TNFRSF21: variants seen among roughly 807,000 people sequenced by gnomAD.
TNFRSF21 encodes the protein TNF receptor superfamily member 21.
TNFRSF21 carries 19 observed loss-of-function variants against 45.6 expected under a neutral mutation model. The ratio of observed to expected loss-of-function variants is 0.42; its 90% CI spans 0.29 to 0.61. TNFRSF21 has a LOEUF of 0.61. TNFRSF21 is among the 20% of genes least tolerant of loss of function. The pLI, the probability that TNFRSF21 is intolerant of heterozygous loss-of-function variation, is 0.23. For synonymous variants in TNFRSF21, 314 were observed against 335.5 expected (o/e 0.94, Z 0.70); for missense variants, 737 against 851.5 (o/e 0.87, Z 1.67).
chr6:47,296,863 G>A (rs942079867), intron 1 of TNFRSF21, among the ~76,000 whole-genome samples: 5 of 152,200 alleles, frequency 3.3e-5, no homozygotes, highest in East Asian at 3.9e-4. Context: ...GGTGGTACAC[G>A]CCTGTAGTCC....
At chr6:47,248,396 C>A (rs901556533) in intron 4 of TNFRSF21, among the ~76,000 whole-genome samples, 1 of 152,136 alleles carries the variant, frequency 6.6e-6, no homozygotes, top group African/African-American at 2.4e-5. Context: ...AAGAAACAGA[C>A]TCCTTTCCTC....
chr6:47,301,492 A>C (rs1762864113), intron 1 of TNFRSF21, among the ~76,000 whole-genome samples: 1 of 152,242 alleles, frequency 6.6e-6, no homozygotes, highest in South Asian at 2.1e-4. Context: ...GTTAGGATGT[A>C]TGTCCTCTCC....
At chr6:47,283,061 G>T (rs970673614) in intron 3 of TNFRSF21, among the ~76,000 whole-genome samples, 3 of 152,148 alleles carry the variant, frequency 2.0e-5, no homozygotes, top group Non-Finnish European at 4.4e-5. Context: ...CTGCTTTTTA[G>T]AAAAATAGAT....
intron 1 of TNFRSF21, among the ~76,000 whole-genome samples, chr6:47,299,924 A>G (rs1167761549): frequency 6.6e-6 from 1 of 152,226 alleles, no homozygotes; most frequent in African/African-American, 2.4e-5. Flanking sequence ...AAAGCCATAA[A>G]ACTGTTCATT....
intron 3 of TNFRSF21, among the ~76,000 whole-genome samples, chr6:47,281,254 T>C (rs1386643530): frequency 6.6e-6 from 1 of 151,674 alleles, no homozygotes; most frequent in African/African-American, 2.4e-5. Flanking sequence ...ATAAAATAAT[T>C]AAGAAAAATT....
rs368424544 is a variant in TNFRSF21, at chr6:47,269,151, G to A, written c.1243+14787C>T. On this transcript the variant is annotated intron_variant, in intron 3 of 5. Coordinates refer to ENST00000296861, the MANE Select transcript of TNFRSF21 (RefSeq NM_014452.5). Reference sequence around the variant, plus strand: ...CTCAGCTTCATCTTCTGTATAATGAGAGGACTGGACTAAGTGAATCTCCTC... The same window carrying A: ...CTCAGCTTCATCTTCTGTATAATGAAAGGACTGGACTAAGTGAATCTCCTC... Among the ~76,000 whole-genome samples, 20 of 152,032 alleles carry A rather than the reference G, an allele frequency of 1.3e-4. 1 individual carries two copies. In the South Asian group the frequency reaches 2.7e-3, roughly 21 times the overall value.
chr6:47,254,605 T>C (rs1346816468), intron 3 of TNFRSF21, among the ~76,000 whole-genome samples: 1 of 152,196 alleles, frequency 6.6e-6, no homozygotes. Flanking sequence ...GTTTTCAAAT[T>C]CTGGGAATGG....
intron 1 of TNFRSF21, among the ~76,000 whole-genome samples, chr6:47,300,691 T>G (rs1282467998): frequency 6.6e-6 from 1 of 152,214 alleles, no homozygotes; most frequent in South Asian, 2.1e-4. Context: ...TCTCTGAACA[T>G]GTAGGCTGTT....
chr6:47,305,291 G>A (rs550409535), intron 1 of TNFRSF21, among the ~76,000 whole-genome samples: 2 of 152,210 alleles, frequency 1.3e-5, no homozygotes, highest in East Asian at 3.9e-4. Context: ...CTTAGAAAGG[G>A]TGCTCGATGC....
chr6:47,284,285 T>C lies in TNFRSF21; in HGVS notation c.896A>G (p.Asn299Ser), dbSNP rs1202861456. ...NKTLPNLQVVNHQQGPHHRHI... is the reference protein window; with the variant it reads ...NKTLPNLQVVSHQQGPHHRHI... ...TCTGTGGTGGGGGCCTTGCTGGTGG[T>C]TGACTACCTGAAGGTTTGGGAGGGT... Residue 299 changes from asparagine to serine, a missense_variant, in exon 3 of 6, where the codon AAC (asparagine) becomes AGC (serine). Transcript: ENST00000296861. The C allele has an allele frequency of 1.2e-6, 2 of 1,611,126 alleles. No homozygotes were observed. The highest frequency in any genetic ancestry group is 1.3e-5 in the African/African-American group (1 of 74,878).
At chr6:47,234,606 A>G in intron 5 of TNFRSF21, 64 bp downstream of exon 5, 2 of 1,339,120 alleles carry the variant, frequency 1.5e-6, no homozygotes, top group Admixed American at 3.9e-5. Context: ...ACGGGGAGGG[A>G]CGAATCCCAG....
chr6:47,309,112 G>C (rs569735437), intron 1 of TNFRSF21, among the ~76,000 whole-genome samples: 2 of 152,256 alleles, frequency 1.3e-5, no homozygotes, highest in East Asian at 3.9e-4. Flanking sequence ...CGAGTAGGGG[G>C]AAAAGCCCTC....
At chr6:47,271,715 C>G (rs7742180) in intron 3 of TNFRSF21, among the ~76,000 whole-genome samples, 1,688 of 152,000 alleles carry the variant, frequency 0.011, 28 homozygotes, top group African/African-American at 0.038. Flanking sequence ...AAGACACAGA[C>G]TGGCAAATTG....
chr6:47,233,574 C>T (rs1332237978), intron 5 of TNFRSF21, among the ~76,000 whole-genome samples: 1 of 151,742 alleles, frequency 6.6e-6, no homozygotes, highest in Non-Finnish European at 1.5e-5. Flanking sequence ...CTTCTCAGGT[C>T]ATACCTTACA....
intron 3 of TNFRSF21, among the ~76,000 whole-genome samples, chr6:47,275,804 C>T (rs1177154583): frequency 6.6e-6 from 1 of 152,152 alleles, no homozygotes; most frequent in Non-Finnish European, 1.5e-5. Context: ...TGGGGGAAAG[C>T]TCTTTCATGT....
At chr6:47,294,895 TAAG>T (rs1380683678) in intron 1 of TNFRSF21, among the ~76,000 whole-genome samples, 1 of 152,216 alleles carries the variant, frequency 6.6e-6, no homozygotes, top group Non-Finnish European at 1.5e-5. Flanking sequence ...AGCAGCATAA[TAAG>T]ATTATCCTCC....
chr6:47,248,763 C>G (rs1351566452), intron 4 of TNFRSF21, among the ~76,000 whole-genome samples: 1 of 152,214 alleles, frequency 6.6e-6, no homozygotes, highest in African/African-American at 2.4e-5. Context: ...CCACCCAACA[C>G]TAAGTGACCC....
chr6:47,244,195 G>A (rs1412625319), intron 4 of TNFRSF21, among the ~76,000 whole-genome samples: 1 of 151,986 alleles, frequency 6.6e-6, no homozygotes, highest in Non-Finnish European at 1.5e-5. Flanking sequence ...GTGGTGGCGG[G>A]GACCTGTATT....
chr6:47,262,013 A>G (rs967185938), intron 3 of TNFRSF21, among the ~76,000 whole-genome samples: 1 of 152,268 alleles, frequency 6.6e-6, no homozygotes, highest in African/African-American at 2.4e-5. Flanking sequence ...TAAAAGTTAG[A>G]AGATCTGTTT....
Sources: allele counts gnomAD v4.1 joint callset (sites outside exome capture counted in the v4.1 genomes callset), GRCh38; gene constraint gnomAD v4.1.1; transcripts MANE v1.5; gene names NCBI Gene and HGNC (gene_info 2026-07-23, HGNC 2026-07-21).